The following CBFA2T3 variants were observed in gnomAD, a reference collection of about 807,000 sequenced individuals.
CBFA2T3 encodes transcriptional corepressor CBFA2T3.
Under a neutral mutation model 58.6 loss-of-function variants are expected in CBFA2T3, and 31 were observed. The ratio of observed to expected loss-of-function variants is 0.53; its 90% CI spans 0.40 to 0.71. CBFA2T3 has a LOEUF of 0.71. Ranked by LOEUF, CBFA2T3 falls within the 30% of genes least tolerant of loss-of-function variation. The pLI, the probability that CBFA2T3 is intolerant of heterozygous loss-of-function variation, is 0.00. For synonymous variants in CBFA2T3, 531 were observed against 421.9 expected (o/e 1.26, Z -3.17); for missense variants, 1,076 against 963.1 (o/e 1.12, Z -1.55).
intron 5 of CBFA2T3, among the ~76,000 whole-genome samples, chr16:88,887,946 G>A (rs562176707): frequency 1.3e-5 from 2 of 152,314 alleles, no homozygotes; most frequent in African/African-American, 2.4e-5. Flanking sequence ...GCTCTGCCAA[G>A]CACCCAGCTA....
chr16:88,928,031 A>G (rs1971141799), intron 1 of CBFA2T3, among the ~76,000 whole-genome samples: 2 of 152,120 alleles, frequency 1.3e-5, no homozygotes, highest in South Asian at 4.1e-4. Context: ...ACCGCTGCTG[A>G]CCGAGCCCCT....
In CBFA2T3 at chr16:88,940,999, C is replaced by T; in HGVS notation, c.151+35658G>A. ...GTCGGGGTAGAGCGGCGGCGGCGCG[C>T]GGGGCGGACACGGCACTTACGGTCG... On this transcript the variant is annotated intron_variant, in intron 1 of 11. Coordinates refer to ENST00000268679, the MANE Select transcript of CBFA2T3 (RefSeq NM_005187.6). The T allele has an allele frequency of 3.1e-6, 3 of 972,408 alleles. No homozygotes were observed. The South Asian group carries it at 1.4e-4, about 45-fold the overall frequency. 60.2% of individuals were successfully genotyped at this position (972,408 alleles called of 1,614,324 possible).
intron 1 of CBFA2T3, among the ~76,000 whole-genome samples, chr16:88,931,977 T>C (rs1259605834): frequency 6.6e-6 from 1 of 152,060 alleles, no homozygotes; most frequent in Non-Finnish European, 1.5e-5. Context: ...AGCCAGGTCA[T>C]AGGTCATGCT....
intron 1 of CBFA2T3, among the ~76,000 whole-genome samples, chr16:88,944,055 C>T (rs930010578): frequency 6.6e-6 from 1 of 152,054 alleles, no homozygotes; most frequent in Non-Finnish European, 1.5e-5. Flanking sequence ...GAAACCACCA[C>T]GGCCGGGTGC....
chr16:88,941,236 G>A (rs1971716977), intron 1 of CBFA2T3: 1 of 933,166 alleles, frequency 1.1e-6, no homozygotes, highest in Non-Finnish European at 1.3e-6. Flanking sequence ...CGGCCACCCC[G>A]CGCGGGAACA....
At chr16:88,890,785 C>G (rs1367647422) in intron 5 of CBFA2T3, among the ~76,000 whole-genome samples, 2 of 152,180 alleles carry the variant, frequency 1.3e-5, no homozygotes, top group Non-Finnish European at 2.9e-5. Context: ...GGCGTGATCA[C>G]AGCTCACTGC....
intron 1 of CBFA2T3, among the ~76,000 whole-genome samples, chr16:88,949,685 C>G (rs1386635245): frequency 6.6e-6 from 1 of 152,030 alleles, no homozygotes; most frequent in Non-Finnish European, 1.5e-5. Context: ...TAACGCTCAA[C>G]AAACTTCATG....
chr16:88,921,699 C>T (rs896146662), intron 1 of CBFA2T3, among the ~76,000 whole-genome samples: 2 of 152,192 alleles, frequency 1.3e-5, no homozygotes, highest in Non-Finnish European at 2.9e-5. Context: ...TAAACAGGAC[C>T]CCTGGGAATT....
At chr16:88,914,359 T>C (rs187159545) in intron 1 of CBFA2T3, among the ~76,000 whole-genome samples, 231 of 152,216 alleles carry the variant, frequency 1.5e-3, no homozygotes, top group Non-Finnish European at 2.6e-3. Context: ...ACGTGATGCT[T>C]TGTGGTGCAC....
intron 7 of CBFA2T3, 69 bp from the exon 8 acceptor site, chr16:88,882,830 C>T (rs933366930): frequency 7.4e-6 from 8 of 1,075,466 alleles, no homozygotes; most frequent in East Asian, 5.2e-5. Context: ...TCCCAGACCC[C>T]GCCCTCTGCT....
At chr16:88,919,755 A>G (rs912531800) in intron 1 of CBFA2T3, among the ~76,000 whole-genome samples, 3 of 152,184 alleles carry the variant, frequency 2.0e-5, no homozygotes, top group African/African-American at 7.2e-5. Context: ...GGTGCCTACA[A>G]GAGGAACTGT....
intron 2 of CBFA2T3, 134 bp from the exon 3 acceptor site, chr16:88,898,286 T>C (rs1468598936): frequency 1.5e-6 from 1 of 681,706 alleles, no homozygotes; most frequent in East Asian, 2.7e-5. Flanking sequence ...GAGACTGCCC[T>C]CAGGGGCACC....
In CBFA2T3 at chr16:88,881,445, C is replaced by G. The variant is rs754482001; in HGVS notation, c.1248G>C (p.Ser416=). Reference sequence around the variant, plus strand: ...CCTGGCACCTGCGCAGCACCGTGAGCGAGCGCCGCGTCTTCTCCACCATGT... The same window carrying G: ...CCTGGCACCTGCGCAGCACCGTGAGGGAGCGCCGCGTCTTCTCCACCATGT... ...IMDMVEKTRR[S]LTVLRRCQEA... is the part of the protein sequence containing the mutation. The change falls in exon 9 of 12, where the codon TCG becomes TCC. Residue 416 remains serine, a synonymous_variant. Transcript: ENST00000268679. 6.2e-7 allele frequency: 1 copy of G among 1,609,474 alleles called. No homozygotes were observed. Among genetic ancestry groups the G allele is most frequent in the African/African-American group, 1.3e-5 (1 of 74,874 alleles).
In CBFA2T3 at chr16:88,953,546, G is replaced by C. The variant is rs1233078896; in HGVS notation, c.151+23111C>G. Among the ~76,000 whole-genome samples the C allele has an allele frequency of 2.0e-5, 3 of 147,642 alleles. No individual in the cohort carries two copies. Among genetic ancestry groups the C allele is most frequent in the Non-Finnish European group, 4.4e-5 (3 of 67,696 alleles). On this transcript the variant is annotated intron_variant, in intron 1 of 11. Coordinates refer to ENST00000268679, the MANE Select transcript of CBFA2T3 (RefSeq NM_005187.6). The surrounding 1 kb of genome is among the most constrained non-coding windows in gnomAD (Gnocchi z 4.9). ...GGGGAGGCTGGGGTTGAGCAGTGGG[G>C]ATCAGGATCTGGCAGGATCGGAATG...
At chr16:88,930,276 C>T (rs1276983976) in intron 1 of CBFA2T3, among the ~76,000 whole-genome samples, 1 of 150,332 alleles carries the variant, frequency 6.7e-6, no homozygotes, top group African/African-American at 2.5e-5. Context: ...CTGCGTGGTC[C>T]ACGCAAAAGC....
intron 1 of CBFA2T3, among the ~76,000 whole-genome samples, chr16:88,908,204 T>C (rs1255984230): frequency 6.6e-6 from 1 of 152,102 alleles, no homozygotes; most frequent in Non-Finnish European, 1.5e-5. Flanking sequence ...TAGCCGAGCG[T>C]AGTGGTGCGT....
At chr16:88,926,831 G>C (rs113448530) in intron 1 of CBFA2T3, among the ~76,000 whole-genome samples, 6,122 of 152,292 alleles carry the variant, frequency 0.04, 418 homozygotes, top group African/African-American at 0.14. Flanking sequence ...GAGCTCACAA[G>C]GCCTTCCGTG....
At chr16:88,935,326 G>T (rs1971462251) in intron 1 of CBFA2T3, among the ~76,000 whole-genome samples, 1 of 152,190 alleles carries the variant, frequency 6.6e-6, no homozygotes. Context: ...GGCAAGGGGA[G>T]GGGCCCGGCA....
Position 88,892,261 on chromosome 16 carries a change from G to C in CBFA2T3, c.604C>G (p.Leu202Val), listed in dbSNP as rs1237726598. The C allele has an allele frequency of 2.5e-6, 4 of 1,610,222 alleles. No individual in the cohort carries two copies. The highest frequency in any genetic ancestry group is 3.3e-5 in the Admixed American group (2 of 60,008). The part of the protein sequence containing the change: ...SPEIGERVRT[L>V]VLGLVNSTLT... ...CAACTCACCACCAGGCCCAGCACCA[G>C]TGTGCGCACGCGCTCCCCAATCTCT... The change falls in exon 4 of 12, where the codon CTG becomes GTG. Residue 202 changes from leucine (L) to valine (V), a missense_variant. By Grantham distance (32) the Leu-to-Val change is conservative. Transcript: ENST00000268679.
Sources: gnomAD v4.1 joint callset for allele counts (sites outside exome capture counted in the v4.1 genomes callset) on GRCh38, gnomAD v4.1.1 for gene constraint, Gnocchi (gnomAD v3.1) non-coding constraint, MANE v1.5 for transcripts, NCBI Gene and HGNC (gene_info 2026-07-23, HGNC 2026-07-21) for gene names.